Variants in MYO3B observed in about 807,000 individuals in gnomAD.
MYO3B encodes the protein myosin IIIB.
Under a neutral mutation model 174.6 loss-of-function variants are expected in MYO3B, and 156 were observed. That is an observed-to-expected ratio of 0.89 (90% CI 0.78 to 1.02). The LOEUF (loss-of-function observed/expected upper bound fraction) is 1.02, where lower values mean the gene tolerates loss of function less well. Ranked by LOEUF, MYO3B falls within the 50% of genes least tolerant of loss-of-function variation. MYO3B has a pLI of 0.00. For synonymous variants in MYO3B, 563 were observed against 569.1 expected (o/e 0.99, Z 0.15); for missense variants, 1,632 against 1,639.4 (o/e 1.00, Z 0.08).
At chr2:170,300,267 C>T (rs1007140110) in intron 7 of MYO3B, among the ~76,000 whole-genome samples, 8 of 152,140 alleles carry the variant, frequency 5.3e-5, no homozygotes, top group Admixed American at 1.3e-4. Context: ...TGAAAAGTGA[C>T]TCACCATGTT....
chr2:170,352,584 G>C (rs1012096232), intron 8 of MYO3B, among the ~76,000 whole-genome samples: 1 of 152,162 alleles, frequency 6.6e-6, no homozygotes, highest in Non-Finnish European at 1.5e-5. Flanking sequence ...GTTTAAACTG[G>C]CTGGTTGCGG....
At chr2:170,472,235 GC>G (rs1685018510) in intron 25 of MYO3B, among the ~76,000 whole-genome samples, 2 of 152,118 alleles carry the variant, frequency 1.3e-5, no homozygotes, top group Non-Finnish European at 2.9e-5. Context: ...GACCATCCAG[GC>G]CCCCATGGGG....
chr2:170,383,075 T>G lies in MYO3B; in HGVS notation c.1071T>G (p.Asp357Glu), dbSNP rs1406164159. The change falls in exon 11 of 35, where the codon GAT (aspartate) becomes GAG (glutamate). Residue 357 changes from aspartate (D) to glutamate (E), a missense_variant and splice_region_variant. Coordinates refer to ENST00000408978, the MANE Select transcript of MYO3B (RefSeq NM_138995.5). ...AATACCATTTATCCTCTTCTTAGGA[T>G]ACAATTATCCATCAGTTGCAGAAAC... ...DLVNLEVLDE[D>E]TIIHQLQKRY... 6.3e-7 allele frequency: 1 copy of G among 1,591,758 alleles called. No homozygotes were observed. The highest frequency in any genetic ancestry group is 8.6e-7 in the Non-Finnish European group (1 of 1,159,976).
rs879772921 is a variant in MYO3B at position 170,580,728 on chromosome 2, G to A, written c.3733+36740G>A. Among the ~76,000 whole-genome samples, 370 of 132,440 alleles carry A rather than the reference G, an allele frequency of 2.8e-3. 4 individuals carry two copies. The East Asian group carries it at 0.046, about 17-fold the overall frequency. 86.9% of individuals were successfully genotyped at this position (132,440 alleles called of 152,430 possible). ...CACAAAACCTTATATATGTGTGTGT[G>A]TGTGTGTGTGTGTGTGTGTGTGTGT... On this transcript the variant is annotated intron_variant, in intron 32 of 34. Coordinates refer to ENST00000408978, the MANE Select transcript of MYO3B (RefSeq NM_138995.5).
chr2:170,214,225 G>A (rs1364025738), intron 3 of MYO3B, among the ~76,000 whole-genome samples, 154 bp from the exon 4 acceptor site: 2 of 152,230 alleles, frequency 1.3e-5, no homozygotes, highest in African/African-American at 4.8e-5. Flanking sequence ...ACTGGGTAAT[G>A]GAAATGTGAA....
intron 25 of MYO3B, among the ~76,000 whole-genome samples, chr2:170,494,808 A>C (rs983000310): frequency 6.6e-6 from 1 of 152,046 alleles, no homozygotes; most frequent in South Asian, 2.1e-4. Context: ...CATTGTATGC[A>C]ATGTGTTGTG....
At chr2:170,247,753 G>T (rs2093207598) in intron 7 of MYO3B, among the ~76,000 whole-genome samples, 1 of 152,120 alleles carries the variant, frequency 6.6e-6, no homozygotes, top group Admixed American at 6.5e-5. Flanking sequence ...GTCTCTCTTA[G>T]GCCTCTTTTA....
At chr2:170,396,247 G>A (rs1295738165) in intron 16 of MYO3B, among the ~76,000 whole-genome samples, 2 of 152,198 alleles carry the variant, frequency 1.3e-5, no homozygotes, top group African/African-American at 4.8e-5. Flanking sequence ...TGAAGCAAGA[G>A]AAAATGGACA....
At chr2:170,405,668 T>C in intron 21 of MYO3B, 35 bp downstream of exon 21, 1 of 1,580,814 alleles carries the variant, frequency 6.3e-7, no homozygotes, top group South Asian at 1.1e-5. Context: ...GACCTGAATT[T>C]GGCAAAGGGT....
chr2:170,474,905 G>A (rs1053669434), intron 25 of MYO3B, among the ~76,000 whole-genome samples: 16 of 151,682 alleles, frequency 1.1e-4, no homozygotes, highest in Non-Finnish European at 2.2e-4. Context: ...TTAGAATTTC[G>A]TAGGAACAAA....
At chr2:170,511,821 G>A (rs1300969413) in intron 28 of MYO3B, among the ~76,000 whole-genome samples, 1 of 152,192 alleles carries the variant, frequency 6.6e-6, no homozygotes, top group Non-Finnish European at 1.5e-5. Context: ...GGCTTGAAAG[G>A]AATACAAAAC....
chr2:170,237,613 A>G (rs891525744), intron 7 of MYO3B, among the ~76,000 whole-genome samples: 3 of 152,094 alleles, frequency 2.0e-5, no homozygotes, highest in African/African-American at 7.2e-5. Flanking sequence ...TGCCCAGCCA[A>G]GCTTCTTCTA....
chr2:170,247,055 T>C (rs1488975681), intron 7 of MYO3B, among the ~76,000 whole-genome samples: 1 of 152,222 alleles, frequency 6.6e-6, no homozygotes, highest in African/African-American at 2.4e-5. Context: ...TCCTCTCCCT[T>C]GCACCAGACA....
chr2:170,343,598 T>C (rs1424816785), intron 8 of MYO3B: 1 of 152,242 alleles, frequency 6.6e-6, no homozygotes, highest in African/African-American at 2.4e-5. Flanking sequence ...AATGGGTGTC[T>C]GGACACTGAG....
intron 16 of MYO3B, among the ~76,000 whole-genome samples, chr2:170,394,791 A>C (rs968618216): frequency 7.9e-5 from 12 of 152,232 alleles, no homozygotes; most frequent in African/African-American, 2.7e-4. Flanking sequence ...TGTTTTGCTG[A>C]GTTAACTCAG....
At chr2:170,647,095 A>T (rs1446708773) in intron 32 of MYO3B, among the ~76,000 whole-genome samples, 1 of 152,176 alleles carries the variant, frequency 6.6e-6, no homozygotes, top group East Asian at 1.9e-4. Flanking sequence ...ATTTCTTTCT[A>T]AAGTTTTTTG....
At chr2:170,200,040 T>TG in intron 2 of MYO3B, 110 bp from the exon 3 acceptor site, 1 of 1,013,508 alleles carries the variant, frequency 9.9e-7, no homozygotes, top group Non-Finnish European at 1.4e-6. Flanking sequence ...GTAATGAGAT[T>TG]GAAAATACAT....
At chr2:170,265,963 C>T (rs1055717671) in intron 7 of MYO3B, among the ~76,000 whole-genome samples, 1 of 152,202 alleles carries the variant, frequency 6.6e-6, no homozygotes, top group East Asian at 1.9e-4. Context: ...GCATACCATA[C>T]TTTTCTGTTC....
In MYO3B at chr2:170,557,996, G is replaced by GA. The variant is rs1004185889; in HGVS notation, c.3733+14018dup. On this transcript the variant is annotated intron_variant, in intron 32 of 34. Coordinates refer to ENST00000408978, the MANE Select transcript of MYO3B (RefSeq NM_138995.5). ...AATTCTGAAATGTAACATGCTTACA[G>GA]AAAAAAAAAATTCTTAAAACGGAGG... Among the ~76,000 whole-genome samples the GA allele has an allele frequency of 4.8e-4, 72 of 150,328 alleles. No homozygotes were observed. In the East Asian group the frequency reaches 8.7e-3, roughly 18 times the overall value.
Sources: allele counts gnomAD v4.1 joint callset (sites outside exome capture counted in the v4.1 genomes callset), GRCh38; gene constraint gnomAD v4.1.1; transcripts MANE v1.5; gene names NCBI Gene and HGNC (gene_info 2026-07-23, HGNC 2026-07-21).